GALR1: variants seen among roughly 807,000 people sequenced by gnomAD.
GALR1 encodes the protein galanin receptor type 1.
A neutral mutation model predicts 17.9 loss-of-function variants in GALR1; 11 were observed. The ratio of observed to expected loss-of-function variants is 0.62; its 90% CI spans 0.39 to 1.02. The LOEUF (loss-of-function observed/expected upper bound fraction) is 1.02. GALR1 is among the 50% of genes least tolerant of loss of function. GALR1 has a pLI of 0.01. For synonymous variants in GALR1, 206 were observed against 205.7 expected (o/e 1.00, Z -0.01); for missense variants, 441 against 456.9 (o/e 0.97, Z 0.32).
chr18:77,263,223 A>T (rs1235737928), intron 2 of GALR1, among the ~76,000 whole-genome samples: 1 of 152,204 alleles, frequency 6.6e-6, no homozygotes, highest in Non-Finnish European at 1.5e-5. Context: ...TCATCTGAGA[A>T]TGGCATTTCT....
At chr18:77,255,643 G>A (rs1390713283) in intron 1 of GALR1, among the ~76,000 whole-genome samples, 1 of 152,218 alleles carries the variant, frequency 6.6e-6, no homozygotes, top group Non-Finnish European at 1.5e-5. Flanking sequence ...CTGCACTGAA[G>A]AAATGTCTGA....
At chr18:77,263,190 ATATCTAGAT>A (rs1235102000) in intron 2 of GALR1, among the ~76,000 whole-genome samples, 3 of 152,244 alleles carry the variant, frequency 2.0e-5, no homozygotes, top group Non-Finnish European at 4.4e-5. Context: ...AGGTATAATT[ATATCTAGAT>A]TGTTTTGATT....
chr18:77,270,563 T>TAA lies in GALR1; in HGVS notation c.*1662_*1663dup, dbSNP rs1913043821. 1 of 144,876 alleles carries TAA rather than the reference T, an allele frequency of 6.9e-6. No homozygotes were observed. Among genetic ancestry groups the TAA allele is most frequent in the African/African-American group, 2.5e-5 (1 of 39,546 alleles). The allele number at this position is 144,876 out of a possible 1,614,324, so 9.0% of individuals were successfully genotyped here. A position where few individuals can be genotyped will look rare whatever the true frequency, so the allele number is the denominator to read the frequency against. On this transcript the variant is annotated 3_prime_UTR_variant, in exon 3 of 3. Transcript: ENST00000299727. ...GTGTGTGTGTGTGTGTGTGTGTGTG[T>TAA]AATGTACCTCTGTGCCAAATCAGCA...
In GALR1 at chr18:77,269,308, TC is replaced by T. The variant is rs1913014272; in HGVS notation, c.*407del. The stretch of plus-strand genomic sequence containing the variant: ...TAGAAAAAAAAATTTGAGCTTTAAT[TC>T]TTTAATTTTAAGAGAAGTAATATTG... On this transcript the variant is annotated 3_prime_UTR_variant, in exon 3 of 3. Transcript: ENST00000299727. 1 of 158,150 alleles carries T rather than the reference TC, an allele frequency of 6.3e-6. No homozygotes were observed. The highest frequency in any genetic ancestry group is 1.4e-5 in the Non-Finnish European group (1 of 72,364). The allele number at this position is 158,150 out of a possible 1,614,324, so 9.8% of individuals were successfully genotyped here.
rs1429506680 is a variant in GALR1 at position 77,249,895 on chromosome 18, A to G, written c.-654A>G. Among the ~76,000 whole-genome samples, 1 of 152,216 alleles carries G rather than the reference A, an allele frequency of 6.6e-6. No individual in the cohort carries two copies. Among genetic ancestry groups the G allele is most frequent in the African/African-American group, 2.4e-5 (1 of 41,460 alleles). ...AGAGAAGCCCCTGGCACCCGACTCTATCCACCACCAGGAAGCCTCCCAAAA... is the reference window on the plus strand; with the variant it reads ...AGAGAAGCCCCTGGCACCCGACTCTGTCCACCACCAGGAAGCCTCCCAAAA... On this transcript the variant is annotated 5_prime_UTR_variant, in exon 1 of 3. Coordinates refer to ENST00000299727, the MANE Select transcript of GALR1 (RefSeq NM_001480.4).
Position 77,250,724 on chromosome 18 carries a change from C to A in GALR1, c.176C>A (p.Ala59Glu). 1.2e-6 allele frequency: 2 copies of A among 1,613,732 alleles called. No individual in the cohort carries two copies. The highest frequency in any genetic ancestry group is 1.1e-5 in the South Asian group (1 of 91,078). ...LGNSLVITVL[A>E]RSKPGKPRST... Reference sequence around the variant, plus strand: ...AACAGCCTAGTGATCACCGTGCTGGCGCGCAGCAAGCCGGGCAAGCCGCGG... The same window carrying A: ...AACAGCCTAGTGATCACCGTGCTGGAGCGCAGCAAGCCGGGCAAGCCGCGG... Residue 59 changes from alanine (A) to glutamate (E), a missense_variant, in exon 1 of 3, where the codon GCG becomes GAG. Ala to Glu is a moderately radical substitution (Grantham distance 107). Coordinates refer to ENST00000299727, the MANE Select transcript of GALR1 (RefSeq NM_001480.4).
chr18:77,268,969 T>C lies in GALR1; in HGVS notation c.*67T>C. ...GGACCAGACACAGAAACAAACAGAA[T>C]GAGCTAGTAAGCGATGCTGCAACTT... On this transcript the variant is annotated 3_prime_UTR_variant, in exon 3 of 3. Transcript: ENST00000299727. The C allele has an allele frequency of 8.3e-7, 1 of 1,202,768 alleles. No individual in the cohort carries two copies. The highest frequency in any genetic ancestry group is 1.2e-6 in the Non-Finnish European group (1 of 835,116). The allele number at this position is 1,202,768 out of a possible 1,614,324, so 74.5% of individuals were successfully genotyped here.
intron 1 of GALR1, among the ~76,000 whole-genome samples, chr18:77,252,057 A>G (rs1912431074): frequency 1.3e-5 from 2 of 152,108 alleles, no homozygotes; most frequent in East Asian, 1.9e-4. Flanking sequence ...TCTTCACCCT[A>G]ACTGTAGCAG....
At position 77,261,174 on chromosome 18, in the gene GALR1, CAGA is replaced by C. The variant is rs545715910; in HGVS notation, c.732+4954_732+4956del. ...CTAATATTTTTTCAGATACTTTCAG[CAGA>C]AGGAGCACAAAGAAACCATGCTATT... On this transcript the variant is annotated intron_variant, in intron 2 of 2. Transcript: ENST00000299727. 2.6e-4 allele frequency among the ~76,000 whole-genome samples: 39 copies of C among 152,196 alleles called. No individual in the cohort carries two copies. The Middle Eastern group carries it at 0.01, about 40-fold the overall frequency.
rs1912368196 is a variant in GALR1 at position 77,250,357 on chromosome 18, G to A, written c.-192G>A. ...AACCCACCCTCTCTCAGAAGGTCCC[G>A]GCGCAAAGACGGTGCCACCAGGCAC... On this transcript the variant is annotated 5_prime_UTR_variant, in exon 1 of 3. Coordinates refer to ENST00000299727, the MANE Select transcript of GALR1 (RefSeq NM_001480.4). Among the ~76,000 whole-genome samples, 1 of 152,258 alleles carries A rather than the reference G, an allele frequency of 6.6e-6. No individual in the cohort carries two copies. The highest frequency in any genetic ancestry group is 1.9e-4 in the East Asian group (1 of 5,150).
At chr18:77,251,275 G>A in intron 1 of GALR1, 61 bp downstream of exon 1, 1 of 1,539,814 alleles carries the variant, frequency 6.5e-7, no homozygotes, top group Non-Finnish European at 8.7e-7. Context: ...TGGGGGCCCT[G>A]GGGTCTCAGT....
In GALR1 at chr18:77,277,243, G is replaced by A. The variant is rs1049138357; in HGVS notation, c.*8341G>A. 6.6e-6 allele frequency: 1 copy of A among 152,148 alleles called. No individual in the cohort carries two copies. The highest frequency in any genetic ancestry group is 2.4e-5 in the African/African-American group (1 of 41,432). 9.4% of individuals were successfully genotyped at this position (152,148 alleles called of 1,614,324 possible). ...TTTAAATTTTAATAAGGTTTGATAT[G>A]GTTTGGCTCTGTGTCTCCACCCAAA... On this transcript the variant is annotated 3_prime_UTR_variant, in exon 3 of 3. Transcript: ENST00000299727.
chr18:77,268,820 G>A lies in GALR1; in HGVS notation c.968G>A (p.Arg323His), dbSNP rs765432250. The A allele has an allele frequency of 1.5e-5, 24 of 1,613,634 alleles. No homozygotes were observed. Among genetic ancestry groups the A allele is most frequent in the South Asian group, 1.2e-4 (11 of 91,084 alleles). Residue 323 changes from arginine to histidine, a missense_variant, in exon 3 of 3, where the codon CGC (arginine) becomes CAC (histidine). By Grantham distance (29) the Arg-to-His change is conservative (BLOSUM62 0). Transcript: ENST00000299727. ...AYKQVFKCHI[R>H]KDSHLSDTKE... Reference sequence around the variant, plus strand: ...AAACAAGTGTTCAAGTGTCACATTCGCAAAGATTCACACCTGAGTGATACT... The same window carrying A: ...AAACAAGTGTTCAAGTGTCACATTCACAAAGATTCACACCTGAGTGATACT...
chr18:77,252,947 CCATCACCACCATCACCACCACCAT>C (rs1912485074), intron 1 of GALR1, among the ~76,000 whole-genome samples: 3 of 57,776 alleles, frequency 5.2e-5, no homozygotes, highest in African/African-American at 1.2e-4. Context: ...ACCACCACCA[CCATCACCACCATCACCACCACCAT>C]CACCACCATC....
intron 2 of GALR1, among the ~76,000 whole-genome samples, chr18:77,264,133 CAAAAAAAAAA>C (rs56102250): frequency 3.3e-4 from 19 of 57,264 alleles, no homozygotes; most frequent in African/African-American, 8.5e-4. Context: ...GACTCCATCT[CAAAAAAAAAA>C]AAAAAAAAAA....
Position 77,251,010 on chromosome 18 carries a change from G to T in GALR1, c.462G>T (p.Leu154=). The part of the protein sequence containing the change: ...SSLRVSRNAL[L]GVGCIWALSI... ...TCAGGGTGTCCCGCAACGCGCTGCT[G>T]GGCGTGGGCTGCATCTGGGCGCTGT... The change falls in exon 1 of 3, where the codon CTG becomes CTT. Residue 154 remains leucine, a synonymous_variant. Coordinates refer to ENST00000299727, the MANE Select transcript of GALR1 (RefSeq NM_001480.4). 2 of 1,605,176 alleles carry T rather than the reference G, an allele frequency of 1.2e-6. No individual in the cohort carries two copies. Among genetic ancestry groups the T allele is most frequent in the Non-Finnish European group, 1.7e-6 (2 of 1,179,842 alleles).
In GALR1 at chr18:77,277,310, G is replaced by C. The variant is rs1913176165; in HGVS notation, c.*8408G>C. On this transcript the variant is annotated 3_prime_UTR_variant, in exon 3 of 3. Coordinates refer to ENST00000299727, the MANE Select transcript of GALR1 (RefSeq NM_001480.4). ...AATAATCCTCACGTGTCAAGGACCA[G>C]CAGGTGGAGATAATTGAATTATGGG... 1 of 152,190 alleles carries C rather than the reference G, an allele frequency of 6.6e-6. No individual in the cohort carries two copies. Among genetic ancestry groups the C allele is most frequent in the Non-Finnish European group, 1.5e-5 (1 of 68,034 alleles). The allele number at this position is 152,190 out of a possible 1,614,324, so 9.4% of individuals were successfully genotyped here. A position where few individuals can be genotyped will look rare whatever the true frequency, so the allele number is the denominator to read the frequency against.
intron 2 of GALR1, among the ~76,000 whole-genome samples, chr18:77,258,788 G>GTGA (rs1224540360): frequency 1.5e-5 from 2 of 130,932 alleles, no homozygotes; most frequent in East Asian, 2.4e-4. Context: ...GGTGGTGGTG[G>GTGA]TGGTGGTGAT....
intron 2 of GALR1, among the ~76,000 whole-genome samples, chr18:77,265,910 G>T (rs1265215784): frequency 6.6e-6 from 1 of 152,188 alleles, no homozygotes; most frequent in Non-Finnish European, 1.5e-5. Context: ...GCCTCTGGGT[G>T]TGTGATGGGA....
Sources: allele counts gnomAD v4.1 joint callset (sites outside exome capture counted in the v4.1 genomes callset), GRCh38; gene constraint gnomAD v4.1.1; transcripts MANE v1.5; gene names NCBI Gene and HGNC (gene_info 2026-07-23, HGNC 2026-07-21).